ADH1C: variants seen among roughly 807,000 people sequenced by gnomAD.
ADH1C encodes the protein alcohol dehydrogenase 1C (class I), gamma polypeptide.
Under a neutral mutation model 35.0 loss-of-function variants are expected in ADH1C, and 26 were observed. The observed-to-expected ratio is 0.74, with a 90% confidence interval of 0.54 to 1.03. ADH1C has a LOEUF of 1.03. Among genes scored for constraint, ADH1C ranks in the 50% least tolerant of loss-of-function variants. The pLI is 0.00. For missense variants in ADH1C, 413 were observed against 465.4 expected, an observed-to-expected ratio of 0.89 and a Z score of 1.04; for synonymous variants, 170 against 169.3, an observed-to-expected ratio of 1.00 and a Z score of -0.03.
In ADH1C at chr4:99,345,004, A is replaced by G. The variant is rs1015170364; in HGVS notation, c.425T>C (p.Val142Ala). 1.2e-6 allele frequency: 2 copies of G among 1,614,066 alleles called. No individual in the cohort carries two copies. Among genetic ancestry groups the G allele is most frequent in the Non-Finnish European group, 1.7e-6 (2 of 1,180,046 alleles). ...TCSGKPIHHF[V>A]GVSTFSQYTV... ...GTACTGGGAGAAGGTGCTGACGCCG[A>G]CGAAGTGGTGGATGGGCTTCCCGCT... is the stretch of plus-strand genomic sequence containing the variant. The change falls in exon 5 of 9, where the codon GTC (valine) becomes GCC (alanine). Residue 142 changes from valine (V) to alanine (A), a missense_variant. Physicochemically the swap from Val to Ala is moderately conservative, Grantham distance 64 (BLOSUM62 0). Coordinates refer to ENST00000515683, the MANE Select transcript of ADH1C (RefSeq NM_000669.5).
At chr4:99,345,717 A>T (rs1306923431) in intron 3 of ADH1C, among the ~76,000 whole-genome samples, 1 of 152,204 alleles carries the variant, frequency 6.6e-6, no homozygotes, top group African/African-American at 2.4e-5. Context: ...TTGATTTACA[A>T]CAAAAATGAG....
chr4:99,348,790 T>A (rs1734604556), intron 1 of ADH1C, among the ~76,000 whole-genome samples: 1 of 152,142 alleles, frequency 6.6e-6, no homozygotes, highest in African/African-American at 2.4e-5. Context: ...CAGCACCTGT[T>A]GTTTCCTGAC....
chr4:99,336,882 G>C (rs1734290018), intron 8 of ADH1C, 106 bp from the exon 9 acceptor site: 1 of 1,491,538 alleles, frequency 6.7e-7, no homozygotes. Context: ...ATCTCTCTGT[G>C]TTCTCAGCCA....
intron 3 of ADH1C, among the ~76,000 whole-genome samples, chr4:99,345,595 T>C (rs1260598317): frequency 6.6e-6 from 1 of 152,230 alleles, no homozygotes; most frequent in Non-Finnish European, 1.5e-5. Flanking sequence ...AATCCTTGTC[T>C]AATTAAATCT....
chr4:99,349,267 C>A (rs947033655), intron 1 of ADH1C, among the ~76,000 whole-genome samples: 2 of 149,160 alleles, frequency 1.3e-5, no homozygotes, highest in African/African-American at 4.9e-5. Flanking sequence ...TTAGGTCTAA[C>A]GTTTAAGTCT....
At chr4:99,345,326 A>G (rs200651908) in intron 3 of ADH1C, 60 bp from the exon 4 acceptor site, 204,825 of 1,484,060 alleles carry the variant, frequency 0.14, 15,704 homozygotes, top group Non-Finnish European at 0.16. Flanking sequence ...TAGAGCAAAA[A>G]CTTAACGCTC....
chr4:99,340,597 C>G lies in ADH1C; in HGVS notation c.942G>C (p.Thr314=). 6.2e-7 allele frequency: 1 copy of G among 1,614,146 alleles called. No homozygotes were observed. Among genetic ancestry groups the G allele is most frequent in the South Asian group, 1.1e-5 (1 of 91,072 alleles). The change falls in exon 7 of 9, where the codon ACG becomes ACC. Residue 314 remains threonine, a synonymous_variant. Coordinates refer to ENST00000515683, the MANE Select transcript of ADH1C (RefSeq NM_000669.5). ...INPMLLLTGR[T]WKGAIFGGFK... is the part of the protein sequence containing the mutation. ...TACCTCCAAAAATAGCTCCTTTCCA[C>G]GTGCGTCCAGTCAGTAGCAGCATAG...
chr4:99,338,348 G>A (rs1446988389), intron 8 of ADH1C, among the ~76,000 whole-genome samples: 1 of 131,958 alleles, frequency 7.6e-6, no homozygotes, highest in Non-Finnish European at 1.6e-5. Context: ...TGATGTCAAT[G>A]ATAATAATAA....
intron 1 of ADH1C, among the ~76,000 whole-genome samples, chr4:99,350,362 T>G (rs755216527): frequency 6.6e-5 from 10 of 152,218 alleles, no homozygotes; most frequent in Non-Finnish European, 1.3e-4. Flanking sequence ...ATTTGCTGCA[T>G]GTGTCACCCG....
chr4:99,346,077 A>T (rs566852503), intron 3 of ADH1C, among the ~76,000 whole-genome samples: 43 of 152,262 alleles, frequency 2.8e-4, no homozygotes, highest in Admixed American at 1.6e-3. Context: ...TTATTTTATT[A>T]TTTTCTTTTC....
rs55913950 is a variant in ADH1C, at chr4:99,339,521, C to T, written c.1103+56G>A. 933 of 1,156,798 alleles carry T rather than the reference C, an allele frequency of 8.1e-4. 32 individuals are homozygous for T. The highest frequency in any genetic ancestry group is 1.1e-3 in the Admixed American group (30 of 27,964). The allele number at this position is 1,156,798 out of a possible 1,614,324, so 71.7% of individuals were successfully genotyped here. On this transcript the variant is annotated intron_variant, in intron 8 of 8. Transcript: ENST00000515683. ...TTCTCTGCTAGACAACGCCCCCCCCCCCCCCGCCGCTACTGTAGAATACAA... is the reference window on the plus strand; with the variant it reads ...TTCTCTGCTAGACAACGCCCCCCCCTCCCCCGCCGCTACTGTAGAATACAA...
intron 6 of ADH1C, 130 bp from the exon 7 acceptor site, chr4:99,340,840 C>T: frequency 2.9e-6 from 4 of 1,368,128 alleles, no homozygotes; most frequent in Non-Finnish European, 4.0e-6. Context: ...TCTTTTGCTC[C>T]TTCATTCCCC....
Position 99,336,743 on chromosome 4 carries a change from T to TAAA in ADH1C, c.*8_*9insTTT, listed in dbSNP as rs758570528. The TAAA allele has an allele frequency of 6.2e-7, 1 of 1,613,706 alleles. No individual in the cohort carries two copies. Among genetic ancestry groups the TAAA allele is most frequent in the South Asian group, 1.1e-5 (1 of 91,084 alleles). ...GAAAACTGCTACAAGGGAAGGCATC[T>TAAA]GTATTGTTTCAAAACGTCAGGACGG... is the stretch of plus-strand genomic sequence containing the variant. On this transcript the variant is annotated 3_prime_UTR_variant, in exon 9 of 9. Coordinates refer to ENST00000515683, the MANE Select transcript of ADH1C (RefSeq NM_000669.5).
intron 8 of ADH1C, among the ~76,000 whole-genome samples, chr4:99,337,221 G>C (rs1303910622): frequency 2.6e-5 from 4 of 151,792 alleles, no homozygotes; most frequent in Non-Finnish European, 5.9e-5. Flanking sequence ...TCCATTTAGA[G>C]ATTATAAAAA....
rs181982105 is a variant in ADH1C at position 99,345,077 on chromosome 4, C to T, written c.352G>A (p.Gly118Ser). The T allele has an allele frequency of 1.9e-6, 3 of 1,614,166 alleles. No homozygotes were observed. Among genetic ancestry groups the T allele is most frequent in the Non-Finnish European group, 2.5e-6 (3 of 1,180,016 alleles). ...ESNYCLKNDL[G>S]NPRGTLQDGT... Reference sequence around the variant, plus strand: ...TCCTGCAGGGTCCCCCGAGGATTGCCTAGACTGGGCAGTGCAATACAAAGA... The same window carrying T: ...TCCTGCAGGGTCCCCCGAGGATTGCTTAGACTGGGCAGTGCAATACAAAGA... Residue 118 changes from glycine (G) to serine (S), a missense_variant, in exon 5 of 9, where the codon GGC becomes AGC. Coordinates refer to ENST00000515683, the MANE Select transcript of ADH1C (RefSeq NM_000669.5).
chr4:99,348,469 T>C (rs1734596518), intron 1 of ADH1C, among the ~76,000 whole-genome samples: 1 of 151,682 alleles, frequency 6.6e-6, no homozygotes, highest in Admixed American at 6.6e-5. Flanking sequence ...TCATTTTTTA[T>C]GGCTGCATAG....
intron 8 of ADH1C, among the ~76,000 whole-genome samples, chr4:99,338,621 C>T (rs942246389): frequency 1.3e-5 from 2 of 149,032 alleles, no homozygotes; most frequent in African/African-American, 2.5e-5. Context: ...TGACACTGAG[C>T]GTTGTTTGGG....
intron 3 of ADH1C, 59 bp downstream of exon 3, chr4:99,346,947 A>G (rs1027949578): frequency 1.3e-6 from 2 of 1,583,812 alleles, no homozygotes; most frequent in East Asian, 2.3e-5. Context: ...TTCCTCATCC[A>G]GGCTGACTAA....
At chr4:99,340,101 T>A (rs950128816) in intron 7 of ADH1C, among the ~76,000 whole-genome samples, 1 of 152,176 alleles carries the variant, frequency 6.6e-6, no homozygotes, top group African/African-American at 2.4e-5. Flanking sequence ...AAGTCCTGGT[T>A]AATAGTGACA....
Sources: allele counts gnomAD v4.1 joint callset (sites outside exome capture counted in the v4.1 genomes callset), GRCh38; gene constraint gnomAD v4.1.1; transcripts MANE v1.5; gene names NCBI Gene and HGNC (gene_info 2026-07-23, HGNC 2026-07-21).